Variants in TRHDE observed in about 807,000 individuals in gnomAD.
The protein encoded by TRHDE is thyrotropin releasing hormone degrading enzyme.
Under a neutral mutation model 125.7 loss-of-function variants are expected in TRHDE, and 72 were observed. That is an observed-to-expected ratio of 0.57 (90% CI 0.47 to 0.70). The LOEUF (loss-of-function observed/expected upper bound fraction) is 0.70. TRHDE is among the 30% of genes least tolerant of loss of function. The probability of loss-of-function intolerance (pLI) is 0.00; values close to 1 mark genes in which losing one functional copy is unlikely to be tolerated. For missense variants in TRHDE, 1,110 were observed against 1,327.1 expected (o/e 0.84, Z 2.54); for synonymous variants, 509 against 509.1 (o/e 1.00, Z 0.00).
At chr12:72,611,886 A>C (rs1301632452) in intron 12 of TRHDE, among the ~76,000 whole-genome samples, 1 of 152,230 alleles carries the variant, frequency 6.6e-6, no homozygotes, top group African/African-American at 2.4e-5. Context: ...TTAAGCTTAT[A>C]CAATATCTTC....
At chr12:72,506,860 G>C (rs976344663) in intron 6 of TRHDE, among the ~76,000 whole-genome samples, 1 of 152,070 alleles carries the variant, frequency 6.6e-6, no homozygotes, top group Non-Finnish European at 1.5e-5. Context: ...TTGAATTTGT[G>C]TCCTCAACCA....
intron 6 of TRHDE, among the ~76,000 whole-genome samples, chr12:72,518,624 T>G (rs955355643): frequency 5.3e-5 from 8 of 152,122 alleles, no homozygotes; most frequent in African/African-American, 1.4e-4. Context: ...GTCTTTTAAT[T>G]GGAGCATTTA....
chr12:72,141,937 A>G (rs775406688), intron 2 of TRHDE, among the ~76,000 whole-genome samples: 2 of 152,080 alleles, frequency 1.3e-5, no homozygotes, highest in Non-Finnish European at 2.9e-5. Flanking sequence ...TGCCAGGGAG[A>G]GGCTAGTTCC....
chr12:72,263,784 C>G (rs191135844), intron 2 of TRHDE: 4 of 152,150 alleles, frequency 2.6e-5, no homozygotes, highest in African/African-American at 9.6e-5. Context: ...TATAAAAATA[C>G]TTAAAACTTT....
chr12:72,368,835 A>G lies in TRHDE; in HGVS notation c.1189-9160A>G, dbSNP rs530450294. On this transcript the variant is annotated intron_variant, in intron 2 of 18. Coordinates refer to ENST00000261180, the MANE Select transcript of TRHDE (RefSeq NM_013381.3). ...TTCTCTTCCATTTTGACACTTTCCTAAAGAATATTCTACCCTAATAGTGTT... is the reference window on the plus strand; with the variant it reads ...TTCTCTTCCATTTTGACACTTTCCTGAAGAATATTCTACCCTAATAGTGTT... Among the ~76,000 whole-genome samples the G allele has an allele frequency of 4.6e-4, 70 of 152,244 alleles. 1 individual carries two copies. Among genetic ancestry groups the G allele is most frequent in the Admixed American group, 1.6e-3 (25 of 15,286 alleles).
intron 7 of TRHDE, among the ~76,000 whole-genome samples, chr12:72,550,348 A>G (rs1259870610): frequency 6.6e-6 from 1 of 152,058 alleles, no homozygotes; most frequent in Non-Finnish European, 1.5e-5. Context: ...CAGTAGTACA[A>G]TAAACTTGCC....
intron 5 of TRHDE, among the ~76,000 whole-genome samples, chr12:72,479,510 A>T (rs1592476583): frequency 6.6e-6 from 1 of 152,070 alleles, no homozygotes; most frequent in African/African-American, 2.4e-5. Flanking sequence ...ATTAACATAT[A>T]TTTCTATCTA....
chr12:72,149,393 C>G (rs78799016), intron 2 of TRHDE, among the ~76,000 whole-genome samples: 10,577 of 152,138 alleles, frequency 0.07, 616 homozygotes, highest in African/African-American at 0.15. Flanking sequence ...TAGGAATAAG[C>G]CACTGTACAT....
At chr12:72,473,222 G>T (rs139377080) in intron 5 of TRHDE, 42 bp downstream of exon 5, 1 of 1,477,120 alleles carries the variant, frequency 6.8e-7, no homozygotes, top group Non-Finnish European at 9.5e-7. Context: ...GTAAAAGGCC[G>T]ATCTAGTGTT....
At chr12:72,365,953 A>G (rs1185918443) in intron 2 of TRHDE, among the ~76,000 whole-genome samples, 1 of 151,886 alleles carries the variant, frequency 6.6e-6, no homozygotes, top group Non-Finnish European at 1.5e-5. Flanking sequence ...TACTGCATCC[A>G]TTGCCTTCCC....
intron 2 of TRHDE, among the ~76,000 whole-genome samples, chr12:72,355,557 G>C (rs1479413891): frequency 6.6e-6 from 1 of 151,736 alleles, no homozygotes; most frequent in Admixed American, 6.6e-5. Flanking sequence ...TGACAAATGG[G>C]AACTAATTAA....
intron 6 of TRHDE, among the ~76,000 whole-genome samples, chr12:72,514,302 T>G (rs889350556): frequency 6.6e-6 from 1 of 152,122 alleles, no homozygotes; most frequent in Non-Finnish European, 1.5e-5. Context: ...TTTGTGCATA[T>G]GACTAAGACA....
chr12:72,591,371 G>A (rs1055418285), intron 12 of TRHDE, among the ~76,000 whole-genome samples: 4 of 151,806 alleles, frequency 2.6e-5, no homozygotes, highest in African/African-American at 9.7e-5. Flanking sequence ...TTATTTTATG[G>A]TTAACAATTT....
intron 12 of TRHDE, among the ~76,000 whole-genome samples, chr12:72,597,758 T>TACAC (rs1565804834): frequency 7.9e-4 from 16 of 20,308 alleles, no homozygotes; most frequent in African/African-American, 1.8e-3. Context: ...TATATATATA[T>TACAC]GCATACACAC....
chr12:72,386,681 T>G (rs1872431618), intron 3 of TRHDE, among the ~76,000 whole-genome samples: 2 of 152,142 alleles, frequency 1.3e-5, no homozygotes, highest in Non-Finnish European at 2.9e-5. Flanking sequence ...CTCTCTTGTC[T>G]TTTGAATGCA....
At chr12:72,204,759 T>C (rs1877630615) in intron 2 of TRHDE, among the ~76,000 whole-genome samples, 1 of 152,212 alleles carries the variant, frequency 6.6e-6, no homozygotes, top group African/African-American at 2.4e-5. Context: ...AATGTATGCT[T>C]ATATATATCG....
chr12:72,382,619 G>A (rs1354490929), intron 3 of TRHDE, among the ~76,000 whole-genome samples: 2 of 152,052 alleles, frequency 1.3e-5, no homozygotes, highest in African/African-American at 2.4e-5. Context: ...TAAATAAACA[G>A]GAAGACTCTC....
chr12:72,616,500 C>T (rs1031834081), intron 12 of TRHDE, among the ~76,000 whole-genome samples: 4 of 152,042 alleles, frequency 2.6e-5, no homozygotes, highest in South Asian at 2.1e-4. Context: ...CCTAATTGGA[C>T]GAGTGTGGTA....
At chr12:72,612,603 G>T (rs1872672386) in intron 12 of TRHDE, among the ~76,000 whole-genome samples, 1 of 152,080 alleles carries the variant, frequency 6.6e-6, no homozygotes, top group African/African-American at 2.4e-5. Flanking sequence ...AAAATAATGG[G>T]CATAATAGTA....
Sources: gnomAD v4.1 joint callset for allele counts (sites outside exome capture counted in the v4.1 genomes callset) on GRCh38, gnomAD v4.1.1 for gene constraint, MANE v1.5 for transcripts, NCBI Gene and HGNC (gene_info 2026-07-23, HGNC 2026-07-21) for gene names.